PKD1L1: variants seen among roughly 807,000 people sequenced by gnomAD.
PKD1L1 encodes polycystin 1 like 1, transient receptor potential channel interacting, also known as polycystin-1-like protein 1.
A neutral mutation model predicts 323.4 loss-of-function variants in PKD1L1; 236 were observed. The ratio of observed to expected loss-of-function variants is 0.73; its 90% confidence interval spans 0.66 to 0.81. The LOEUF is 0.81. PKD1L1 is among the 40% of genes least tolerant of loss of function. The pLI, the probability that PKD1L1 is intolerant of heterozygous loss-of-function variation, is 0.00. For synonymous variants in PKD1L1, 1,344 were observed against 1,335.0 expected (o/e 1.01, Z -0.15); for missense variants, 3,320 against 3,508.0 (o/e 0.95, Z 1.35).
At chr7:47,785,358 T>C (rs1410824651) in intron 56 of PKD1L1, among the ~76,000 whole-genome samples, 6 of 152,244 alleles carry the variant, frequency 3.9e-5, no homozygotes, top group Admixed American at 3.3e-4. Flanking sequence ...AAGTCAATGT[T>C]GTTCATCTTT....
intron 4 of PKD1L1, among the ~76,000 whole-genome samples, chr7:47,933,797 T>A (rs150180742): frequency 7.0e-4 from 107 of 152,332 alleles, no homozygotes; most frequent in African/African-American, 2.4e-3. Flanking sequence ...ACTCTTCCAC[T>A]ATTGGTTCTC....
chr7:47,922,759 C>T (rs1466015943), intron 7 of PKD1L1, among the ~76,000 whole-genome samples: 1 of 150,282 alleles, frequency 6.7e-6, no homozygotes, highest in Admixed American at 6.6e-5. Flanking sequence ...AGGTGGGGGG[C>T]AGCCCCCACC....
At chr7:47,936,095 G>A (rs1192216695) in intron 4 of PKD1L1, among the ~76,000 whole-genome samples, 1 of 152,128 alleles carries the variant, frequency 6.6e-6, no homozygotes, top group East Asian at 1.9e-4. Context: ...CATTAGAGAA[G>A]GCCAACTATT....
At chr7:47,918,916 C>T (rs568372056) in intron 7 of PKD1L1, among the ~76,000 whole-genome samples, 77 of 152,114 alleles carry the variant, frequency 5.1e-4, no homozygotes, top group Non-Finnish European at 1.0e-3. Flanking sequence ...ATCAAAAAGT[C>T]TGAAAGAGCA....
chr7:47,896,959 G>T (rs146629266), intron 14 of PKD1L1, among the ~76,000 whole-genome samples: 2 of 152,290 alleles, frequency 1.3e-5, no homozygotes, highest in East Asian at 3.9e-4. Context: ...TTCTAAAGAA[G>T]AGTATACAGC....
chr7:47,946,540 T>C lies in PKD1L1; in HGVS notation c.44+1857A>G, dbSNP rs545924150. On this transcript the variant is annotated intron_variant, in intron 1 of 56. Transcript: ENST00000289672. The surrounding 1 kb of genome is among the most constrained non-coding windows in gnomAD (Gnocchi z 4.1). ...CAAACACCACACACACACCAACACA[T>C]TACACACACATCACACAGCACACAC... Among the ~76,000 whole-genome samples the C allele has an allele frequency of 6.9e-6, 1 of 145,326 alleles. No individual in the cohort carries two copies. Among genetic ancestry groups the C allele is most frequent in the African/African-American group, 2.6e-5 (1 of 38,990 alleles).
chr7:47,956,895 A>G, the PKD1L1 span: 1 of 154,216 alleles, frequency 6.5e-6, no homozygotes, highest in Non-Finnish European at 1.5e-5. Context: ...TGTCCTACTA[A>G]ATGATACTAT....
At chr7:47,795,270 G>C in intron 55 of PKD1L1, 1 of 434,844 alleles carries the variant, frequency 2.3e-6, no homozygotes, top group Non-Finnish European at 4.6e-6. Flanking sequence ...TTGAATCATA[G>C]GGGCTGGTCT....
At chr7:47,799,690 G>A (rs368944337) in intron 54 of PKD1L1, among the ~76,000 whole-genome samples, 3 of 152,110 alleles carry the variant, frequency 2.0e-5, no homozygotes, top group Admixed American at 6.5e-5. Flanking sequence ...AGAACTTAAC[G>A]CTGAACGAGT....
chr7:47,928,478 G>A (rs941633301), intron 7 of PKD1L1, among the ~76,000 whole-genome samples: 1 of 152,186 alleles, frequency 6.6e-6, no homozygotes, highest in East Asian at 1.9e-4. Flanking sequence ...GCTGAGGCGG[G>A]AGGATCCCTT....
intron 27 of PKD1L1, 96 bp downstream of exon 27, chr7:47,858,577 T>G: frequency 1.8e-6 from 2 of 1,139,718 alleles, no homozygotes; most frequent in Non-Finnish European, 2.6e-6. Flanking sequence ...CAGAAACTGA[T>G]TCTGTTTTTG....
chr7:47,893,505 G>A (rs1786868313), intron 15 of PKD1L1, among the ~76,000 whole-genome samples: 1 of 152,102 alleles, frequency 6.6e-6, no homozygotes, highest in South Asian at 2.1e-4. Flanking sequence ...TGGAGAAGAG[G>A]ACCAAGGGCT....
At chr7:47,949,086 G>T (rs1201165938), upstream of PKD1L1, among the ~76,000 whole-genome samples, 1 of 151,968 alleles carries the variant, frequency 6.6e-6, no homozygotes, top group East Asian at 1.9e-4. Flanking sequence ...AGCTGTAACT[G>T]TTGGCTGGGC....
intron 56 of PKD1L1, among the ~76,000 whole-genome samples, chr7:47,781,652 G>A (rs182224784): frequency 2.8e-4 from 43 of 151,704 alleles, no homozygotes; most frequent in African/African-American, 9.4e-4. Context: ...GTAGTGATCC[G>A]CCCGCCTCAG....
intron 41 of PKD1L1, 33 bp from the exon 42 acceptor site, chr7:47,831,385 T>C: frequency 6.3e-7 from 1 of 1,585,114 alleles, no homozygotes; most frequent in Non-Finnish European, 8.6e-7. Flanking sequence ...CAAGGCAGCT[T>C]AAGAGACCTC....
intron 26 of PKD1L1, 32 bp from the exon 27 acceptor site, chr7:47,858,917 C>T (rs373251656): frequency 1.3e-6 from 2 of 1,598,976 alleles, no homozygotes. Context: ...AAATAAAATG[C>T]CTGGCCTTGA....
chr7:47,926,165 C>G (rs1787653407), intron 7 of PKD1L1, among the ~76,000 whole-genome samples: 1 of 152,216 alleles, frequency 6.6e-6, no homozygotes, highest in Admixed American at 6.5e-5. Context: ...TGATAAGAAA[C>G]ATTTACAATC....
rs912008564 is a variant in PKD1L1, at chr7:47,777,295, G to A, written c.8527-2129C>T. 2.0e-4 allele frequency among the ~76,000 whole-genome samples: 31 copies of A among 152,154 alleles called. 1 individual carries two copies. The highest frequency in any genetic ancestry group is 4.0e-4 in the Non-Finnish European group (27 of 68,036). On this transcript the variant is annotated intron_variant, in intron 56 of 56. Transcript: ENST00000289672. ...AATGAGTTTGAGGGAAAATATTCTT[G>A]GGGACTTCCTGAAAAAGTTTCCTCA...
intron 7 of PKD1L1, among the ~76,000 whole-genome samples, chr7:47,918,115 C>T (rs767160423): frequency 6.0e-4 from 91 of 152,174 alleles, no homozygotes; most frequent in African/African-American, 2.0e-3. Context: ...AGGACTCGCA[C>T]AGACTTAAGG....
Sources: allele counts gnomAD v4.1 joint callset (sites outside exome capture counted in the v4.1 genomes callset), GRCh38; gene constraint gnomAD v4.1.1; non-coding constraint Gnocchi (gnomAD v3.1); transcripts MANE v1.5; gene names NCBI Gene and HGNC (gene_info 2026-07-23, HGNC 2026-07-21).